DMD: variants seen among roughly 807,000 people sequenced by gnomAD.
The protein encoded by DMD is dystrophin.
DMD carries 63 observed loss-of-function variants against 330.1 expected under a neutral mutation model. The observed-to-expected ratio is 0.19, with a 90% CI of 0.16 to 0.24. DMD has a LOEUF of 0.24. Among genes scored for constraint, DMD ranks in the 10% least tolerant of loss-of-function variants. The probability of loss-of-function intolerance (pLI) is 1.00; values close to 1 mark genes in which losing one functional copy is unlikely to be tolerated. For synonymous variants in DMD, 1,223 were observed against 959.8 expected, an observed-to-expected ratio of 1.27 and a Z score of -5.07; for missense variants, 3,344 against 2,684.1, an observed-to-expected ratio of 1.25 and a Z score of -5.43.
At chrX:31,758,220 C>G (rs2089286672) in intron 51 of DMD, among the ~76,000 whole-genome samples, 1 of 107,187 alleles carries the variant, frequency 9.3e-6, no homozygotes, top group African/African-American at 3.3e-5. Context: ...TAATAGTGTG[C>G]ATATTTTCTC....
chrX:31,908,054 G>A (rs992221053), intron 47 of DMD, among the ~76,000 whole-genome samples: 2 of 112,027 alleles, frequency 1.8e-5, no homozygotes, highest in Non-Finnish European at 3.8e-5. Context: ...TCATTAAAAA[G>A]TCAGGAAACA....
intron 7 of DMD, among the ~76,000 whole-genome samples, chrX:32,747,264 A>G (rs111995974): frequency 0.16 from 17,896 of 110,919 alleles, 1,833 homozygotes; most frequent in African/African-American, 0.36. Context: ...TATGTTTGGG[A>G]AATATATTTT....
intron 44 of DMD, among the ~76,000 whole-genome samples, chrX:32,189,016 C>G (rs1007972045): frequency 1.8e-5 from 2 of 110,573 alleles, no homozygotes; most frequent in African/African-American, 3.3e-5. Flanking sequence ...ACATTGTCAT[C>G]AGTGTGAATG....
At chrX:32,372,385 G>T (rs898944997) in intron 34 of DMD, among the ~76,000 whole-genome samples, 11 of 111,241 alleles carry the variant, frequency 9.9e-5, no homozygotes, top group African/African-American at 3.3e-4. Context: ...AGAGAGTAGG[G>T]GTTATCATGA....
At chrX:31,636,804 T>C (rs62587327) in intron 54 of DMD, among the ~76,000 whole-genome samples, 13,661 of 111,536 alleles carry the variant, frequency 0.12, 710 homozygotes, top group Admixed American at 0.21. Flanking sequence ...ATCCGTCATC[T>C]ATGAGATGTG....
chrX:33,073,567 A>G (rs965521403), intron 1 of DMD, among the ~76,000 whole-genome samples: 21 of 111,631 alleles, frequency 1.9e-4, no homozygotes, highest in African/African-American at 6.2e-4. Context: ...GTGGTGGCTC[A>G]TGCCTGTAAT....
chrX:33,170,169 A>G (rs1309155503), intron 1 of DMD, among the ~76,000 whole-genome samples: 1 of 111,292 alleles, frequency 9.0e-6, no homozygotes, highest in African/African-American at 3.3e-5. Flanking sequence ...TCAACTGAAA[A>G]ATGTAAGCTC....
intron 7 of DMD, among the ~76,000 whole-genome samples, chrX:32,726,395 G>C (rs1254312161): frequency 9.0e-6 from 1 of 111,424 alleles, no homozygotes; most frequent in Non-Finnish European, 1.9e-5. Flanking sequence ...CCTTGTGTCA[G>C]TTTAAAGTTA....
chrX:33,278,985 A>T (rs1181976151), intron 1 of DMD, among the ~76,000 whole-genome samples: 1 of 111,625 alleles, frequency 9.0e-6, no homozygotes, highest in Non-Finnish European at 1.9e-5. Context: ...GGACTTCAAC[A>T]ACCTACTGAT....
At chrX:32,633,605 G>T (rs2058891456) in intron 11 of DMD, among the ~76,000 whole-genome samples, 1 of 111,776 alleles carries the variant, frequency 8.9e-6, no homozygotes, top group Admixed American at 9.5e-5. Context: ...TCTGTACTAG[G>T]CCACTCTCGC....
intron 44 of DMD, among the ~76,000 whole-genome samples, chrX:32,119,598 T>C (rs1160850615): frequency 9.0e-6 from 1 of 111,141 alleles, no homozygotes; most frequent in Non-Finnish European, 1.9e-5. Context: ...CATATATAAC[T>C]AGGATCTCCG....
chrX:31,127,860 CCTCCCTTTCTCCTTCT>C (rs1166444410), intron 77 of DMD, among the ~76,000 whole-genome samples: 1 of 111,790 alleles, frequency 8.9e-6, no homozygotes, highest in Non-Finnish European at 1.9e-5. Context: ...CTCTTTCTTC[CCTCCCTTTCTCCTTCT>C]CTCCCTTCCT....
intron 55 of DMD, among the ~76,000 whole-genome samples, chrX:31,531,620 G>A (rs2073840247): frequency 9.7e-6 from 1 of 102,664 alleles, no homozygotes; most frequent in South Asian, 4.6e-4. Context: ...CTCCCATGTT[G>A]TAGGTTGCCT....
intron 45 of DMD, among the ~76,000 whole-genome samples, chrX:31,954,592 T>C (rs2095224014): frequency 9.0e-6 from 1 of 110,739 alleles, no homozygotes; most frequent in Middle Eastern, 4.7e-3. Flanking sequence ...TGCAGCAACG[T>C]GGATAGAACT....
intron 1 of DMD, among the ~76,000 whole-genome samples, chrX:33,048,562 A>T (rs1360670108): frequency 2.8e-5 from 3 of 108,273 alleles, no homozygotes; most frequent in Non-Finnish European, 5.7e-5. Context: ...GCATGGTGGC[A>T]TGCACCTGTA....
intron 44 of DMD, among the ~76,000 whole-genome samples, chrX:32,154,143 T>C (rs918017329): frequency 9.0e-6 from 1 of 111,372 alleles, no homozygotes; most frequent in African/African-American, 3.3e-5. Context: ...CATAACTGTT[T>C]TCCCTTTATT....
At chrX:32,825,689 A>G (rs1200729398) in intron 4 of DMD, among the ~76,000 whole-genome samples, 1 of 112,190 alleles carries the variant, frequency 8.9e-6, no homozygotes, top group Non-Finnish European at 1.9e-5. Flanking sequence ...TTTCAGCCTT[A>G]AAAAGGAATG....
chrX:32,659,859 C>T (rs1196572225), intron 9 of DMD, among the ~76,000 whole-genome samples: 1 of 110,641 alleles, frequency 9.0e-6, no homozygotes, highest in Non-Finnish European at 1.9e-5. Flanking sequence ...GGAATCTCTT[C>T]CTATTCCTTT....
intron 36 of DMD, among the ~76,000 whole-genome samples, chrX:32,363,649 A>C (rs1433290324): frequency 8.9e-6 from 1 of 112,166 alleles, no homozygotes; most frequent in African/African-American, 3.2e-5. Flanking sequence ...ACAGATCCAC[A>C]TCAAAATAAG....
Sources: allele counts gnomAD v4.1 joint callset (sites outside exome capture counted in the v4.1 genomes callset), GRCh38; gene constraint gnomAD v4.1.1; transcripts MANE v1.5; gene names NCBI Gene and HGNC (gene_info 2026-07-23, HGNC 2026-07-21).